Variants in FRMPD4 observed in about 807,000 individuals in gnomAD.
FRMPD4 encodes FERM and PDZ domain containing 4.
FRMPD4 carries 22 observed loss-of-function variants against 94.1 expected under a neutral mutation model. The ratio of observed to expected loss-of-function variants is 0.23; its 90% CI spans 0.17 to 0.33. FRMPD4 has a LOEUF of 0.33. Among genes scored for constraint, FRMPD4 ranks in the 10% least tolerant of loss-of-function variants. The pLI is 1.00. For missense variants in FRMPD4, 1,111 were observed against 1,339.9 expected (o/e 0.83, Z 2.67); for synonymous variants, 631 against 548.6 (o/e 1.15, Z -2.10).
chrX:12,164,996 G>A (rs1374507139), intron 1 of FRMPD4, among the ~76,000 whole-genome samples: 2 of 111,490 alleles, frequency 1.8e-5, no homozygotes, highest in Non-Finnish European at 3.8e-5. Context: ...CCATTCTGTA[G>A]GTTGTCTGTT....
At chrX:11,840,152 G>C (rs1211788516) in intron 1 of FRMPD4, among the ~76,000 whole-genome samples, 3 of 111,487 alleles carry the variant, frequency 2.7e-5, no homozygotes, top group Admixed American at 1.9e-4. Context: ...CTGTAGATCA[G>C]TTTGGGGAGA....
At chrX:11,845,814 T>G (rs1297985429) in intron 1 of FRMPD4, among the ~76,000 whole-genome samples, 2 of 108,626 alleles carry the variant, frequency 1.8e-5, no homozygotes, top group African/African-American at 3.3e-5. Context: ...AAAAGGCCTT[T>G]GACAAAATTC....
chrX:12,261,252 TA>T (rs2054184491), intron 1 of FRMPD4, among the ~76,000 whole-genome samples: 1 of 112,110 alleles, frequency 8.9e-6, no homozygotes, highest in Non-Finnish European at 1.9e-5. Context: ...TCCTAGTTTA[TA>T]AAAATCTGTG....
chrX:12,547,044 T>G (rs1247240342), intron 2 of FRMPD4, among the ~76,000 whole-genome samples: 1 of 95,457 alleles, frequency 1.0e-5, no homozygotes, highest in Non-Finnish European at 2.1e-5. Flanking sequence ...AAAAAAAGCT[T>G]ATTAAAACAC....
chrX:11,994,078 C>G (rs897708216), intron 3 of FRMPD4, among the ~76,000 whole-genome samples: 1 of 110,919 alleles, frequency 9.0e-6, no homozygotes, highest in Non-Finnish European at 1.9e-5. Flanking sequence ...TTTTGCCCCC[C>G]CAGAAGACAT....
At chrX:12,480,660 G>A (rs1207392628) in intron 1 of FRMPD4, among the ~76,000 whole-genome samples, 1 of 111,878 alleles carries the variant, frequency 8.9e-6, no homozygotes, top group African/African-American at 3.3e-5. Context: ...TGTGGATAAG[G>A]CAAATGGTCT....
chrX:11,867,579 G>T (rs1299864305), intron 2 of FRMPD4, among the ~76,000 whole-genome samples: 2 of 111,796 alleles, frequency 1.8e-5, no homozygotes, highest in African/African-American at 3.2e-5. Context: ...ATCTTTATAT[G>T]ACCTAATTAG....
chrX:12,319,115 A>G (rs2055169605), intron 1 of FRMPD4, among the ~76,000 whole-genome samples: 1 of 111,279 alleles, frequency 9.0e-6, no homozygotes, highest in African/African-American at 3.3e-5. Flanking sequence ...CACATTGTCT[A>G]TGGTTGCTTT....
At chrX:12,084,458 T>C (rs2055090875) in intron 3 of FRMPD4, among the ~76,000 whole-genome samples, 3 of 111,845 alleles carry the variant, frequency 2.7e-5, no homozygotes, top group African/African-American at 6.5e-5. Context: ...AATACACTTA[T>C]ATTTCAGAAT....
intron 3 of FRMPD4, among the ~76,000 whole-genome samples, chrX:11,916,892 T>A (rs1263147902): frequency 1.8e-5 from 2 of 111,543 alleles, no homozygotes; most frequent in Non-Finnish European, 3.8e-5. Context: ...GCCAGATACC[T>A]GTGTTCCTAG....
chrX:12,013,893 G>A (rs769441837), intron 3 of FRMPD4, among the ~76,000 whole-genome samples: 37 of 113,023 alleles, frequency 3.3e-4, no homozygotes, highest in African/African-American at 1.1e-3. Flanking sequence ...AAATCACAAA[G>A]CATCATGGTA....
At chrX:12,401,718 AT>A (rs1360121813) in intron 1 of FRMPD4, among the ~76,000 whole-genome samples, 2 of 112,245 alleles carry the variant, frequency 1.8e-5, no homozygotes, top group Non-Finnish European at 3.8e-5. Flanking sequence ...TTTCAGAGAC[AT>A]AATAATAATT....
chrX:12,252,290 A>G (rs11798201), intron 1 of FRMPD4, among the ~76,000 whole-genome samples: 8,983 of 111,186 alleles, frequency 0.081, 334 homozygotes, highest in South Asian at 0.25. Flanking sequence ...TAGCAATCTG[A>G]CATTTGGGGG....
chrX:12,277,427 A>G (rs971432733), intron 1 of FRMPD4, among the ~76,000 whole-genome samples: 2 of 112,362 alleles, frequency 1.8e-5, no homozygotes, highest in African/African-American at 3.2e-5. Flanking sequence ...ATATTAAGTT[A>G]TAAAAATGTG....
intron 1 of FRMPD4, among the ~76,000 whole-genome samples, chrX:12,360,855 T>G (rs1048187788): frequency 9.0e-5 from 10 of 110,899 alleles, no homozygotes; most frequent in African/African-American, 3.0e-4. Context: ...TGCTTCTGCT[T>G]TATGGTTTAT....
At position 12,085,437 on chromosome X, in the gene FRMPD4, G is replaced by C. The variant is rs775526380; in HGVS notation, c.95+207419G>C. ...TAGTCCCAGCTACTCTGGAGGCTGA[G>C]GTGGGTGGGAGGATCTCTTGAGCTC... is the stretch of plus-strand genomic sequence containing the variant. On this transcript the variant is annotated intron_variant, in intron 3 of 18. Coordinates refer to the FRMPD4 transcript ENST00000640291. Among the ~76,000 whole-genome samples, 19 of 111,734 alleles carry C rather than the reference G, an allele frequency of 1.7e-4. No homozygotes were observed. The East Asian group carries it at 5.3e-3, about 31-fold the overall frequency.
chrX:12,174,314 A>AC (rs2056266456), intron 1 of FRMPD4, among the ~76,000 whole-genome samples: 1 of 111,806 alleles, frequency 8.9e-6, no homozygotes, highest in South Asian at 3.8e-4. Flanking sequence ...AAGTGTAAAA[A>AC]CCATCCTTAG....
chrX:12,347,484 C>G lies in FRMPD4; in HGVS notation c.42-151196C>G, dbSNP rs867433848. Among the ~76,000 whole-genome samples, 31 of 111,157 alleles carry G rather than the reference C, an allele frequency of 2.8e-4. No homozygotes were observed. The Middle Eastern group carries it at 0.023, about 83-fold the overall frequency. ...CTCCTGGCTTCAAATGTTTTTCCCA[C>G]CTTGGCCCCCCAAAGGTCTGGGATT... On this transcript the variant is annotated intron_variant, in intron 1 of 16. Coordinates refer to ENST00000675598, the MANE Select transcript of FRMPD4 (RefSeq NM_001368397.1).
At chrX:12,024,974 A>G (rs2054651336) in intron 3 of FRMPD4, among the ~76,000 whole-genome samples, 1 of 111,871 alleles carries the variant, frequency 8.9e-6, no homozygotes, top group Non-Finnish European at 1.9e-5. Context: ...TATTTAAAAA[A>G]CAATAATGTC....
Sources: gnomAD v4.1 joint callset for allele counts (sites outside exome capture counted in the v4.1 genomes callset) on GRCh38, gnomAD v4.1.1 for gene constraint, MANE v1.5 for transcripts, NCBI Gene and HGNC (gene_info 2026-07-23, HGNC 2026-07-21) for gene names.